DNAI3: variants seen among roughly 807,000 people sequenced by gnomAD.
The protein encoded by DNAI3 is WD repeat domain 63.
Under a neutral mutation model 115.5 loss-of-function variants are expected in DNAI3, and 83 were observed. The ratio of observed to expected loss-of-function variants is 0.72; its 90% CI spans 0.60 to 0.86. The LOEUF is 0.86. DNAI3 is among the 40% of genes least tolerant of loss of function. DNAI3 has a pLI of 0.00. For synonymous variants in DNAI3, 320 were observed against 347.0 expected, an observed-to-expected ratio of 0.92 and a Z score of 0.86; for missense variants, 1,004 against 1,075.8, an observed-to-expected ratio of 0.93 and a Z score of 0.93.
intron 12 of DNAI3, among the ~76,000 whole-genome samples, 185 bp downstream of exon 12, chr1:85,097,840 T>C (rs1001686533): frequency 2.0e-5 from 3 of 152,188 alleles, no homozygotes; most frequent in African/African-American, 7.2e-5. Context: ...TGTGGGCCCT[T>C]GATTAAAACA....
At chr1:85,118,756 A>G (rs193059299) in intron 17 of DNAI3, among the ~76,000 whole-genome samples, 2 of 152,260 alleles carry the variant, frequency 1.3e-5, no homozygotes, top group Admixed American at 1.3e-4. Context: ...GACACATGAT[A>G]AACACCAACA....
At chr1:85,098,692 T>C (rs763053433) in intron 13 of DNAI3, 34 bp downstream of exon 13, 2 of 1,602,190 alleles carry the variant, frequency 1.2e-6, no homozygotes, top group South Asian at 2.3e-5. Context: ...TTTCTCCTGC[T>C]GAATTACACA....
intron 22 of DNAI3, among the ~76,000 whole-genome samples, chr1:85,130,688 GA>G: frequency 1.2e-5 from 1 of 84,732 alleles, no homozygotes; most frequent in Non-Finnish European, 2.4e-5. Context: ...TAGATAGATA[GA>G]TAGATAGATA....
At chr1:85,132,761 C>T in intron 22 of DNAI3, 94 bp from the exon 23 acceptor site, 1 of 1,480,296 alleles carries the variant, frequency 6.8e-7, no homozygotes, top group Non-Finnish European at 9.0e-7. Context: ...AAACAGCAGC[C>T]AGGTCAACTA....
At chr1:85,100,785 A>G (rs558055707) in intron 13 of DNAI3, among the ~76,000 whole-genome samples, 40 of 152,366 alleles carry the variant, frequency 2.6e-4, no homozygotes, top group Non-Finnish European at 2.2e-4. Flanking sequence ...ATGGAATACT[A>G]TGCAGGCATA....
intron 9 of DNAI3, 57 bp from the exon 10 acceptor site, chr1:85,094,374 G>A: frequency 6.2e-7 from 1 of 1,602,842 alleles, no homozygotes; most frequent in Non-Finnish European, 8.5e-7. Flanking sequence ...AAAAGCTAGA[G>A]ACATCTCTCC....
chr1:85,077,815 C>T (rs552334450), intron 3 of DNAI3, among the ~76,000 whole-genome samples: 13 of 151,198 alleles, frequency 8.6e-5, no homozygotes, highest in East Asian at 1.9e-4. Flanking sequence ...TGCAGTTTAT[C>T]GTTTGTCAAT....
intron 22 of DNAI3, 156 bp downstream of exon 22, chr1:85,130,268 G>C: frequency 2.8e-6 from 3 of 1,077,838 alleles, no homozygotes; most frequent in Non-Finnish European, 3.9e-6. Context: ...TGATTTCCTA[G>C]CTCACTGCCA....
intron 1 of DNAI3, among the ~76,000 whole-genome samples, chr1:85,068,689 C>T (rs930903778): frequency 2.6e-5 from 4 of 152,166 alleles, no homozygotes; most frequent in Non-Finnish European, 4.4e-5. Context: ...CCTAGCCCCC[C>T]TTGTGGTATA....
chr1:85,100,366 G>A (rs1655259011), intron 13 of DNAI3, among the ~76,000 whole-genome samples: 2 of 152,188 alleles, frequency 1.3e-5, no homozygotes, highest in Non-Finnish European at 2.9e-5. Context: ...AAAAACACAT[G>A]AGAAAATGCT....
At chr1:85,086,488 G>A (rs1257363502) in intron 7 of DNAI3, among the ~76,000 whole-genome samples, 3 of 152,022 alleles carry the variant, frequency 2.0e-5, no homozygotes, top group Non-Finnish European at 2.9e-5. Context: ...CCTCTATGAC[G>A]AGGAACTGTC....
intron 20 of DNAI3, among the ~76,000 whole-genome samples, 166 bp downstream of exon 20, chr1:85,126,881 C>A (rs186412040): frequency 2.0e-5 from 3 of 152,208 alleles, no homozygotes; most frequent in African/African-American, 4.8e-5. Flanking sequence ...ATTCTTCTCT[C>A]TTCCCTTTCC....
rs186213541 is a variant in DNAI3, at chr1:85,132,913, G to A, written c.2591G>A (p.Ser864Asn). Residue 864 changes from serine to asparagine, a missense_variant, in exon 23 of 23, where the codon AGT (serine) becomes AAT (asparagine). Physicochemically the swap from Ser to Asn is conservative, Grantham distance 46. Transcript: ENST00000294664. ...MQAELKMDYESYLELEKTVLI... is the reference protein window; with the variant it reads ...MQAELKMDYENYLELEKTVLI... The stretch of plus-strand genomic sequence containing the variant: ...GCTGAATTAAAAATGGACTATGAGA[G>A]TTATCTGGAACTGGAAAAGACTGTT... The A allele has an allele frequency of 4.2e-4, 677 of 1,613,930 alleles. 7 individuals carry two copies. The East Asian group carries it at 9.6e-3, about 23-fold the overall frequency.
At chr1:85,088,570 A>T (rs1197758749) in intron 7 of DNAI3, among the ~76,000 whole-genome samples, 1 of 152,186 alleles carries the variant, frequency 6.6e-6, no homozygotes, top group African/African-American at 2.4e-5. Context: ...CCCACCACAT[A>T]CCAGGCATTC....
chr1:85,115,948 C>G (rs1655804221), intron 16 of DNAI3, among the ~76,000 whole-genome samples: 1 of 152,166 alleles, frequency 6.6e-6, no homozygotes, highest in Admixed American at 6.5e-5. Context: ...CAGACCCCTG[C>G]TCTACCACAT....
At chr1:85,071,869 A>G in intron 1 of DNAI3, 59 bp from the exon 2 acceptor site, 1 of 1,466,302 alleles carries the variant, frequency 6.8e-7, no homozygotes, top group Non-Finnish European at 9.4e-7. Context: ...TTAGTATTTG[A>G]AATTGTAAGT....
chr1:85,079,357 T>C (rs990151788), intron 3 of DNAI3, among the ~76,000 whole-genome samples: 2 of 152,268 alleles, frequency 1.3e-5, no homozygotes, highest in African/African-American at 4.8e-5. Context: ...TGCTTCTGCA[T>C]ATAATCAGTG....
At chr1:85,103,334 T>C (rs557402027) in intron 13 of DNAI3, among the ~76,000 whole-genome samples, 36 of 152,250 alleles carry the variant, frequency 2.4e-4, no homozygotes, top group Middle Eastern at 3.4e-3. Flanking sequence ...CCATAAACCC[T>C]CCTGTGAATC....
chr1:85,102,575 T>G (rs1221593028), intron 13 of DNAI3, among the ~76,000 whole-genome samples: 1 of 152,208 alleles, frequency 6.6e-6, no homozygotes, highest in East Asian at 1.9e-4. Context: ...ATGTGATTAA[T>G]ATGTTAAAAA....
Sources: gnomAD v4.1 joint callset for allele counts (sites outside exome capture counted in the v4.1 genomes callset) on GRCh38, gnomAD v4.1.1 for gene constraint, MANE v1.5 for transcripts, NCBI Gene and HGNC (gene_info 2026-07-23, HGNC 2026-07-21) for gene names.